ABCA12: variants seen among roughly 807,000 people sequenced by gnomAD.
ABCA12 encodes ATP binding cassette subfamily A member 12, also known as glucosylceramide transporter ABCA12.
A neutral mutation model predicts 293.5 loss-of-function variants in ABCA12; 156 were observed. That is an observed-to-expected ratio of 0.53 (90% CI 0.47 to 0.61). ABCA12 has a LOEUF of 0.61. ABCA12 is among the 20% of genes least tolerant of loss of function. The probability of loss-of-function intolerance (pLI) is 0.00; values close to 1 mark genes in which losing one functional copy is unlikely to be tolerated. For missense variants in ABCA12, 2,797 were observed against 3,090.2 expected (o/e 0.91, Z 2.25); for synonymous variants, 1,063 against 1,108.0 (o/e 0.96, Z 0.81).
intron 2 of ABCA12, among the ~76,000 whole-genome samples, chr2:215,103,198 C>A (rs35941397): frequency 0.11 from 16,032 of 151,550 alleles, 1,039 homozygotes; most frequent in Admixed American, 0.18. Flanking sequence ...ATGCAACAGG[C>A]GCCCTTTAAA....
chr2:215,111,842 GA>G (rs1338552998), intron 1 of ABCA12, 152 bp from the exon 2 acceptor site: 1 of 640,626 alleles, frequency 1.6e-6, no homozygotes. Context: ...GTGAATGAGA[GA>G]TTTTTTTAAT....
rs548136508 is a variant in ABCA12, at chr2:215,001,082, T to C, written c.2864-62A>G. 55 of 1,536,128 alleles carry C rather than the reference T, an allele frequency of 3.6e-5. No individual in the cohort carries two copies. In the African/African-American group the frequency reaches 7.0e-4, roughly 19 times the overall value. ...TTTATGGTTGACGTTATTCATTGTTTGGAGAGTACACAGAGGGGACAGCCA... is the reference window on the plus strand; with the variant it reads ...TTTATGGTTGACGTTATTCATTGTTCGGAGAGTACACAGAGGGGACAGCCA... On this transcript the variant is annotated intron_variant, in intron 21 of 52. Coordinates refer to ENST00000272895, the MANE Select transcript of ABCA12 (RefSeq NM_173076.3).
At chr2:214,987,441 A>G (rs888422154) in intron 27 of ABCA12, among the ~76,000 whole-genome samples, 2 of 152,166 alleles carry the variant, frequency 1.3e-5, no homozygotes, top group Admixed American at 6.5e-5. Flanking sequence ...AATTAGCACC[A>G]TATGCTAACC....
At chr2:215,074,031 T>C (rs1464024203) in intron 2 of ABCA12, among the ~76,000 whole-genome samples, 2 of 152,228 alleles carry the variant, frequency 1.3e-5, no homozygotes, top group African/African-American at 4.8e-5. Context: ...CAGATTTCCA[T>C]GATCTGATTA....
At chr2:214,937,665 AG>A in intron 50 of ABCA12, 50 bp from the exon 51 acceptor site, 1 of 1,364,050 alleles carries the variant, frequency 7.3e-7, no homozygotes, top group Non-Finnish European at 1.0e-6. Context: ...TTGCTGAAAT[AG>A]CTCCTCTGGA....
chr2:214,978,517 T>C (rs1297319861), intron 32 of ABCA12, 51 bp from the exon 33 acceptor site: 3 of 1,589,664 alleles, frequency 1.9e-6, no homozygotes, highest in Non-Finnish European at 2.6e-6. Flanking sequence ...GCATGTCTTT[T>C]CTCATTTCTA....
chr2:214,989,548 C>G lies in ABCA12; in HGVS notation c.3694+4G>C, dbSNP rs1699868104. Reference sequence around the variant, plus strand: ...AAATCCAGTTTTAAAGAAAGGGGACCTACCAATGCCCTGTTCTTCGTATCG... The same window carrying G: ...AAATCCAGTTTTAAAGAAAGGGGACGTACCAATGCCCTGTTCTTCGTATCG... On this transcript the variant is annotated splice_donor_region_variant and intron_variant, in intron 25 of 52. Transcript: ENST00000272895. 2 of 1,614,030 alleles carry G rather than the reference C, an allele frequency of 1.2e-6. No homozygotes were observed. Among genetic ancestry groups the G allele is most frequent in the Middle Eastern group, 3.3e-4 (2 of 6,062 alleles).
chr2:215,028,200 C>T (rs1044959401), intron 9 of ABCA12, among the ~76,000 whole-genome samples: 4 of 152,128 alleles, frequency 2.6e-5, no homozygotes, highest in African/African-American at 7.2e-5. Flanking sequence ...CGAGTGGGAA[C>T]GATTAACCTT....
intron 23 of ABCA12, among the ~76,000 whole-genome samples, chr2:214,993,472 C>T (rs571934741): frequency 6.6e-5 from 10 of 152,258 alleles, no homozygotes; most frequent in African/African-American, 1.7e-4. Context: ...TCATGTTTGG[C>T]GACTATTTCA....
chr2:215,009,516 A>G (rs1022960446), intron 18 of ABCA12, among the ~76,000 whole-genome samples: 1 of 152,206 alleles, frequency 6.6e-6, no homozygotes, highest in Non-Finnish European at 1.5e-5. Flanking sequence ...CAAAGTTCAT[A>G]TATAACTCAA....
At chr2:215,092,544 C>G (rs924506976) in intron 2 of ABCA12, among the ~76,000 whole-genome samples, 2 of 152,054 alleles carry the variant, frequency 1.3e-5, no homozygotes, top group Admixed American at 6.6e-5. Context: ...CCATTGAAAC[C>G]TAATCACCCT....
chr2:214,944,993 C>G lies in ABCA12; in HGVS notation c.7343+8G>C. 2 of 1,611,894 alleles carry G rather than the reference C, an allele frequency of 1.2e-6. No homozygotes were observed. Among genetic ancestry groups the G allele is most frequent in the Non-Finnish European group, 1.7e-6 (2 of 1,178,582 alleles). ...GTGGATTCGCTTTAAAGATTCCACTCAGTTTACCTGTGAGATGTGAGGATG... is the reference window on the plus strand; with the variant it reads ...GTGGATTCGCTTTAAAGATTCCACTGAGTTTACCTGTGAGATGTGAGGATG... On this transcript the variant is annotated splice_region_variant and intron_variant, in intron 49 of 52. Coordinates refer to ENST00000272895, the MANE Select transcript of ABCA12 (RefSeq NM_173076.3).
intron 14 of ABCA12, among the ~76,000 whole-genome samples, chr2:215,016,112 C>A (rs893031183): frequency 2.6e-5 from 4 of 151,420 alleles, no homozygotes; most frequent in African/African-American, 9.7e-5. Flanking sequence ...CCATTGCACT[C>A]CAGCCTGGGA....
At chr2:215,092,341 C>G (rs1476774998) in intron 2 of ABCA12, among the ~76,000 whole-genome samples, 1 of 152,070 alleles carries the variant, frequency 6.6e-6, no homozygotes, top group Non-Finnish European at 1.5e-5. Flanking sequence ...TGCCCAGTTC[C>G]CTTATTAGAT....
At chr2:215,053,881 T>G (rs113966779) in intron 4 of ABCA12, among the ~76,000 whole-genome samples, 45 of 152,094 alleles carry the variant, frequency 3.0e-4, no homozygotes, top group African/African-American at 1.1e-3. Context: ...GAGCGTTTAT[T>G]TTTTTTAACA....
intron 1 of ABCA12, among the ~76,000 whole-genome samples, chr2:215,133,518 A>G (rs1703110227): frequency 6.6e-6 from 1 of 152,058 alleles, no homozygotes. Flanking sequence ...TTGCTGTCCC[A>G]GGACTCTTCC....
At chr2:214,977,564 C>A (rs1699546402) in intron 33 of ABCA12, among the ~76,000 whole-genome samples, 1 of 152,162 alleles carries the variant, frequency 6.6e-6, no homozygotes, top group Admixed American at 6.5e-5. Flanking sequence ...TCATTTTACT[C>A]TATGCTTCCT....
intron 2 of ABCA12, among the ~76,000 whole-genome samples, chr2:215,079,036 C>A (rs967041303): frequency 2.0e-5 from 3 of 152,134 alleles, no homozygotes; most frequent in East Asian, 1.9e-4. Flanking sequence ...ATTTAGTGAA[C>A]CTTCAGTAGC....
intron 35 of ABCA12, 36 bp downstream of exon 35, chr2:214,974,742 C>T: frequency 6.2e-7 from 1 of 1,602,222 alleles, no homozygotes; most frequent in Non-Finnish European, 8.5e-7. Flanking sequence ...AACTGGAATG[C>T]TGAAAACAAA....
Sources: gnomAD v4.1 joint callset for allele counts (sites outside exome capture counted in the v4.1 genomes callset) on GRCh38, gnomAD v4.1.1 for gene constraint, MANE v1.5 for transcripts, NCBI Gene and HGNC (gene_info 2026-07-23, HGNC 2026-07-21) for gene names.